The following DACH2 variants were observed in gnomAD, a reference collection of about 807,000 sequenced individuals.
DACH2 encodes the protein dachshund family transcription factor 2.
A neutral mutation model predicts 35.8 loss-of-function variants in DACH2; 17 were observed. The observed-to-expected ratio is 0.48, with a 90% confidence interval of 0.33 to 0.71. The LOEUF (loss-of-function observed/expected upper bound fraction) is 0.71. Ranked by LOEUF, DACH2 falls within the 30% of genes least tolerant of loss-of-function variation. The pLI is 0.02. For missense variants in DACH2, 469 were observed against 472.7 expected, an observed-to-expected ratio of 0.99 and a Z score of 0.07; for synonymous variants, 195 against 177.3, an observed-to-expected ratio of 1.10 and a Z score of -0.79.
At chrX:86,307,792 G>A (rs961490008) in intron 1 of DACH2, among the ~76,000 whole-genome samples, 3 of 111,160 alleles carry the variant, frequency 2.7e-5, no homozygotes, top group Admixed American at 1.9e-4. Context: ...AACTGTCTGA[G>A]TTCTCCAAAT....
intron 1 of DACH2, among the ~76,000 whole-genome samples, chrX:86,307,640 C>G (rs1311160672): frequency 9.0e-6 from 1 of 111,142 alleles, no homozygotes; most frequent in African/African-American, 3.3e-5. Flanking sequence ...AGTTGCCAGA[C>G]AGGATAATGT....
At chrX:86,442,355 TTGTGTG>T (rs780963312) in intron 2 of DACH2, among the ~76,000 whole-genome samples, 18 of 71,316 alleles carry the variant, frequency 2.5e-4, no homozygotes, top group East Asian at 1.7e-3. Context: ...AAGTAGTATT[TTGTGTG>T]TGTGTGTGTG....
intron 3 of DACH2, among the ~76,000 whole-genome samples, chrX:86,599,466 T>TTTTCTTTTCTTTCTTTCTTTCTTTC (rs2039759359): frequency 1.6e-5 from 1 of 62,780 alleles, no homozygotes; most frequent in Admixed American, 2.2e-4. Context: ...TCCTTCCTTC[T>TTTTCTTTTCTTTCTTTCTTTCTTTC]TTTCTTTCTT....
At chrX:86,391,877 C>A (rs1029553276) in intron 2 of DACH2, among the ~76,000 whole-genome samples, 1 of 111,196 alleles carries the variant, frequency 9.0e-6, no homozygotes, top group Non-Finnish European at 1.9e-5. Context: ...TTGTTTAATT[C>A]TGAATCTTAT....
At chrX:86,356,933 T>C (rs2148076518) in intron 1 of DACH2, among the ~76,000 whole-genome samples, 1 of 111,438 alleles carries the variant, frequency 9.0e-6, no homozygotes, top group African/African-American at 3.3e-5. Context: ...GTACCTAGTA[T>C]GTAGGTTTTT....
intron 6 of DACH2, among the ~76,000 whole-genome samples, chrX:86,739,521 A>G (rs1180076426): frequency 8.9e-6 from 1 of 111,901 alleles, no homozygotes; most frequent in Admixed American, 9.5e-5. Flanking sequence ...ACCCTTTACT[A>G]TATGCTTTTT....
At position 86,404,080 on chromosome X, in the gene DACH2, G is replaced by T. The variant is rs150489197; in HGVS notation, c.527+27218G>T. ...CCCGTGATTCAATAACCTCCCACTG[G>T]GTCCCTTTCACAACACGTTGGGATT... On this transcript the variant is annotated intron_variant, in intron 2 of 11. Transcript: ENST00000373125. 3.5e-3 allele frequency among the ~76,000 whole-genome samples: 386 copies of T among 110,300 alleles called. 1 individual carries two copies. The highest frequency in any genetic ancestry group is 0.012 in the African/African-American group (378 of 30,243).
chrX:86,744,315 G>T (rs2041688025), intron 7 of DACH2, among the ~76,000 whole-genome samples: 1 of 110,824 alleles, frequency 9.0e-6, no homozygotes, highest in Non-Finnish European at 1.9e-5. Flanking sequence ...TTAAAAAAAT[G>T]GGATTCTCTA....
intron 5 of DACH2, among the ~76,000 whole-genome samples, chrX:86,700,831 T>C (rs1463095884): frequency 1.8e-5 from 2 of 111,269 alleles, no homozygotes; most frequent in Non-Finnish European, 3.8e-5. Flanking sequence ...AGACCAATAA[T>C]GAGTTCCAAA....
Position 86,376,869 on chromosome X carries a change from A to G in DACH2, c.527+7A>G. On this transcript the variant is annotated splice_region_variant and intron_variant, in intron 2 of 11. Coordinates refer to ENST00000373125, the MANE Select transcript of DACH2 (RefSeq NM_053281.3). Reference sequence around the variant, plus strand: ...GAAAACAAGCTGTTAACAGGTATTTATGTATTTATTTTTTAAAAATCAAAT... The same window carrying G: ...GAAAACAAGCTGTTAACAGGTATTTGTGTATTTATTTTTTAAAAATCAAAT... 2.6e-6 allele frequency: 2 copies of G among 757,461 alleles called. No homozygotes were observed. Among genetic ancestry groups the G allele is most frequent in the Non-Finnish European group, 4.0e-6 (2 of 495,633 alleles). The allele number at this position is 757,461 out of a possible 1,213,427, so 62.4% of individuals were successfully genotyped here.
intron 1 of DACH2, among the ~76,000 whole-genome samples, chrX:86,331,369 A>T (rs183519682): frequency 9.0e-6 from 1 of 111,178 alleles, no homozygotes. Context: ...CACTTGGATA[A>T]CATTTCAGAC....
intron 3 of DACH2, among the ~76,000 whole-genome samples, chrX:86,604,667 G>A (rs919147545): frequency 9.0e-6 from 1 of 111,387 alleles, no homozygotes; most frequent in African/African-American, 3.3e-5. Context: ...TAATTAAAAT[G>A]ACTTACCAGC....
chrX:86,547,027 C>T (rs939535010), intron 3 of DACH2, among the ~76,000 whole-genome samples: 5 of 111,070 alleles, frequency 4.5e-5, no homozygotes, highest in African/African-American at 1.6e-4. Flanking sequence ...TTTATCTGGA[C>T]CCACTATACC....
chrX:86,201,594 G>A (rs1159065586), intron 1 of DACH2, among the ~76,000 whole-genome samples: 1 of 110,676 alleles, frequency 9.0e-6, no homozygotes, highest in East Asian at 2.8e-4. Context: ...TTTAACTGCT[G>A]TTCATATTTA....
chrX:86,648,597 G>T (rs1458197071), intron 3 of DACH2, among the ~76,000 whole-genome samples: 2 of 110,586 alleles, frequency 1.8e-5, no homozygotes, highest in East Asian at 5.7e-4. Flanking sequence ...AGATATTCAG[G>T]TGCTGTACTG....
intron 2 of DACH2, among the ~76,000 whole-genome samples, chrX:86,483,968 CAT>C (rs1285679163): frequency 8.9e-6 from 1 of 111,768 alleles, no homozygotes; most frequent in African/African-American, 3.3e-5. Flanking sequence ...TGTATGTATA[CAT>C]GAGTGTCATA....
intron 2 of DACH2, among the ~76,000 whole-genome samples, chrX:86,396,096 GGT>G (rs1035888522): frequency 4.5e-5 from 5 of 111,899 alleles, no homozygotes; most frequent in African/African-American, 1.6e-4. Context: ...GGTGTGAGAT[GGT>G]ATCTCATTGT....
intron 1 of DACH2, among the ~76,000 whole-genome samples, chrX:86,274,736 G>T (rs746252290): frequency 9.2e-6 from 1 of 108,945 alleles, no homozygotes; most frequent in South Asian, 4.0e-4. Context: ...CTGACCTCGT[G>T]ATCTGCCCAC....
At chrX:86,579,789 T>C (rs1051564478) in intron 3 of DACH2, among the ~76,000 whole-genome samples, 2 of 112,529 alleles carry the variant, frequency 1.8e-5, no homozygotes, top group African/African-American at 6.5e-5. Context: ...CTTGCAATTT[T>C]TACATATCAT....
Sources: gnomAD v4.1 joint callset for allele counts (sites outside exome capture counted in the v4.1 genomes callset) on GRCh38, gnomAD v4.1.1 for gene constraint, MANE v1.5 for transcripts, NCBI Gene and HGNC (gene_info 2026-07-23, HGNC 2026-07-21) for gene names.